Variants in LPP observed in about 807,000 individuals in gnomAD.
LPP encodes LIM domain containing preferred translocation partner in lipoma.
Under a neutral mutation model 60.4 loss-of-function variants are expected in LPP, and 38 were observed. The observed-to-expected ratio is 0.63, with a 90% CI of 0.49 to 0.83. LPP has a LOEUF of 0.83. Ranked by LOEUF, LPP falls within the 40% of genes least tolerant of loss-of-function variation. The pLI is 0.00. For synonymous variants in LPP, 328 were observed against 290.8 expected (o/e 1.13, Z -1.30); for missense variants, 902 against 783.6 (o/e 1.15, Z -1.80).
intron 3 of LPP, among the ~76,000 whole-genome samples, chr3:188,385,968 A>G (rs553615071): frequency 7.2e-5 from 11 of 152,200 alleles, no homozygotes; most frequent in Non-Finnish European, 1.5e-4. Context: ...TTGTATGTCA[A>G]ATTTTACTTG....
At position 188,352,949 on chromosome 3, in the gene LPP, C is replaced by T. The variant is rs569169628; in HGVS notation, c.-10+11230C>T. Among the ~76,000 whole-genome samples the T allele has an allele frequency of 5.9e-5, 9 of 152,232 alleles. No homozygotes were observed. In the South Asian group the frequency reaches 8.3e-4, roughly 14 times the overall value. On this transcript the variant is annotated intron_variant, in intron 3 of 11. Coordinates refer to ENST00000617246, the MANE Select transcript of LPP (RefSeq NM_001375462.1). This position sits in a 1 kb window ranked among gnomAD's most constrained non-coding sequence, Gnocchi z 4.4. ...GGGGAGAATGTTTCTTATCAGATTC[C>T]GCAGATGGGTTCCTTGAGAAGTGAG...
intron 1 of LPP, among the ~76,000 whole-genome samples, chr3:188,159,761 C>T (rs1410410488): frequency 1.3e-5 from 2 of 152,150 alleles, no homozygotes; most frequent in African/African-American, 2.4e-5. Flanking sequence ...GATTGAGGGA[C>T]TGGGAGTGTA....
chr3:188,179,115 A>G, intron 1 of LPP: 2 of 341,574 alleles, frequency 5.9e-6, no homozygotes, highest in South Asian at 2.2e-5. Flanking sequence ...AGAGAGAGAG[A>G]GGTTTTGAGA....
chr3:188,837,099 G>A (rs977385643), intron 9 of LPP, among the ~76,000 whole-genome samples: 4 of 152,110 alleles, frequency 2.6e-5, no homozygotes, highest in African/African-American at 9.7e-5. Context: ...TAGGGATAAA[G>A]AAGAGCCAGA....
intron 6 of LPP, among the ~76,000 whole-genome samples, chr3:188,585,453 T>C (rs371709209): frequency 6.6e-6 from 1 of 152,172 alleles, no homozygotes; most frequent in East Asian, 1.9e-4. Context: ...AATGAATTCA[T>C]GGGGAGTATA....
chr3:188,545,317 A>T (rs1257215104), intron 6 of LPP, among the ~76,000 whole-genome samples: 1 of 152,176 alleles, frequency 6.6e-6, no homozygotes, highest in African/African-American at 2.4e-5. Context: ...GCCTTTAGAA[A>T]AAAAAGTAAG....
At chr3:188,720,527 A>G (rs1028418064) in intron 8 of LPP, among the ~76,000 whole-genome samples, 2 of 151,984 alleles carry the variant, frequency 1.3e-5, no homozygotes, top group Admixed American at 1.3e-4. Flanking sequence ...ATGAGTGGCA[A>G]TGCACTGTCT....
intron 6 of LPP, among the ~76,000 whole-genome samples, chr3:188,592,560 T>TTTTTTTG (rs1839069731): frequency 7.5e-6 from 1 of 133,572 alleles, no homozygotes; most frequent in African/African-American, 2.7e-5. Context: ...TGTTTTTGTT[T>TTTTTTTG]TTTAAATGGA....
rs1560335344 is a variant in LPP at position 188,878,241 on chromosome 3, GC to G, written c.*3767del. ...TTCTCTTGTCAAATCTGTGTCGGCT[GC>G]CCCCTGATCCTTCCATTATCAAGTT... On this transcript the variant is annotated 3_prime_UTR_variant, in exon 12 of 12. Coordinates refer to ENST00000617246, the MANE Select transcript of LPP (RefSeq NM_001375462.1). 4.6e-6 allele frequency: 1 copy of G among 218,692 alleles called. No individual in the cohort carries two copies. The highest frequency in any genetic ancestry group is 9.2e-6 in the Non-Finnish European group (1 of 108,696). 13.5% of individuals were successfully genotyped at this position (218,692 alleles called of 1,614,324 possible). A position where few individuals can be genotyped will look rare whatever the true frequency, so the allele number is the denominator to read the frequency against.
chr3:188,231,869 G>A (rs942817318), intron 2 of LPP, among the ~76,000 whole-genome samples: 14 of 152,148 alleles, frequency 9.2e-5, no homozygotes, highest in Non-Finnish European at 1.8e-4. Context: ...AGGGGTCTGC[G>A]TCTCCTGGTG....
intron 9 of LPP, among the ~76,000 whole-genome samples, chr3:188,802,627 A>G (rs1406991386): frequency 1.3e-5 from 2 of 152,132 alleles, no homozygotes. Flanking sequence ...TACTAAAAAT[A>G]CAAAAATTAG....
intron 9 of LPP, among the ~76,000 whole-genome samples, chr3:188,765,504 T>C (rs903956114): frequency 2.6e-5 from 4 of 152,136 alleles, no homozygotes; most frequent in African/African-American, 9.6e-5. Context: ...CATTTTATAA[T>C]GCTACCGAGC....
At chr3:188,860,529 C>T (rs1350217911) in intron 9 of LPP, among the ~76,000 whole-genome samples, 3 of 152,122 alleles carry the variant, frequency 2.0e-5, no homozygotes, top group Non-Finnish European at 4.4e-5. Flanking sequence ...CACCTCTGGT[C>T]CTTCCGAATC....
chr3:188,405,017 G>A (rs1783112290), intron 3 of LPP, among the ~76,000 whole-genome samples: 1 of 152,176 alleles, frequency 6.6e-6, no homozygotes, highest in African/African-American at 2.4e-5. Context: ...GCAGCATCTG[G>A]GCTGGGCTGA....
chr3:188,652,224 G>T (rs771678366), intron 7 of LPP, among the ~76,000 whole-genome samples: 1 of 152,124 alleles, frequency 6.6e-6, no homozygotes, highest in Non-Finnish European at 1.5e-5. Flanking sequence ...ACATTATTGC[G>T]CATGCTGCCA....
At chr3:188,570,020 T>C (rs1402940451) in intron 6 of LPP, among the ~76,000 whole-genome samples, 1 of 67,406 alleles carries the variant, frequency 1.5e-5, no homozygotes, top group African/African-American at 3.7e-5. Context: ...TTCAGTTTAA[T>C]GGCTTTTTTT....
chr3:188,616,640 A>G (rs1844908193), intron 7 of LPP, among the ~76,000 whole-genome samples: 1 of 152,226 alleles, frequency 6.6e-6, no homozygotes, highest in East Asian at 1.9e-4. Context: ...GTTGTCCACA[A>G]AATAGGCTGC....
intron 9 of LPP, among the ~76,000 whole-genome samples, chr3:188,827,416 A>G (rs930506138): frequency 6.6e-6 from 1 of 152,238 alleles, no homozygotes; most frequent in Non-Finnish European, 1.5e-5. Flanking sequence ...AGACAAAGTA[A>G]CAGCAACTTT....
At chr3:188,435,500 T>C (rs893390086) in intron 4 of LPP, among the ~76,000 whole-genome samples, 1 of 152,194 alleles carries the variant, frequency 6.6e-6, no homozygotes, top group African/African-American at 2.4e-5. Context: ...TTATATAATT[T>C]GTTTCTCTGT....
Sources: gnomAD v4.1 joint callset for allele counts (sites outside exome capture counted in the v4.1 genomes callset) on GRCh38, gnomAD v4.1.1 for gene constraint, Gnocchi (gnomAD v3.1) non-coding constraint, MANE v1.5 for transcripts, NCBI Gene and HGNC (gene_info 2026-07-23, HGNC 2026-07-21) for gene names.